Variants in HOMER1 observed in about 807,000 individuals in gnomAD.
HOMER1 encodes homer protein homolog 1.
A neutral mutation model predicts 48.9 loss-of-function variants in HOMER1; 3 were observed. The observed-to-expected ratio is 0.06, with a 90% CI of 0.03 to 0.16. The LOEUF (loss-of-function observed/expected upper bound fraction) is 0.16, where lower values mean the gene tolerates loss of function less well. HOMER1 is among the 10% of genes least tolerant of loss of function. The pLI is 1.00. For missense variants in HOMER1, 247 were observed against 411.4 expected (o/e 0.60, Z 3.46); for synonymous variants, 134 against 146.4 (o/e 0.92, Z 0.61).
intron 4 of HOMER1, among the ~76,000 whole-genome samples, chr5:79,443,398 A>C (rs891827036): frequency 2.6e-5 from 4 of 152,196 alleles, no homozygotes; most frequent in Non-Finnish European, 5.9e-5. Flanking sequence ...GTTCCATCTT[A>C]GACCTACTAA....
chr5:79,426,439 T>C (rs1394847171), intron 5 of HOMER1, among the ~76,000 whole-genome samples: 1 of 152,068 alleles, frequency 6.6e-6, no homozygotes, highest in Non-Finnish European at 1.5e-5. Context: ...ATGTGTTACA[T>C]ATACACAATG....
At chr5:79,509,091 T>A (rs1026057689) in intron 1 of HOMER1, among the ~76,000 whole-genome samples, 8 of 152,210 alleles carry the variant, frequency 5.3e-5, no homozygotes, top group Non-Finnish European at 4.4e-5. Context: ...ACCCTGCAGT[T>A]TGAGGCAGAA....
intron 1 of HOMER1, among the ~76,000 whole-genome samples, chr5:79,487,446 G>A (rs1752142631): frequency 6.6e-6 from 1 of 152,136 alleles, no homozygotes; most frequent in Admixed American, 6.5e-5. Context: ...CACCACCCAT[G>A]ACATAGCTTG....
intron 1 of HOMER1, among the ~76,000 whole-genome samples, chr5:79,465,581 CTTCTTTT>C (rs1413962977): frequency 1.1e-5 from 1 of 90,410 alleles, no homozygotes; most frequent in Non-Finnish European, 2.1e-5. Context: ...GTTTACATTT[CTTCTTTT>C]TTTTTTTTTT....
intron 5 of HOMER1, among the ~76,000 whole-genome samples, chr5:79,419,130 A>T (rs1467257392): frequency 6.6e-6 from 1 of 152,182 alleles, no homozygotes; most frequent in African/African-American, 2.4e-5. Context: ...TTTTTTAAGG[A>T]TATGGAAATA....
intron 1 of HOMER1, among the ~76,000 whole-genome samples, chr5:79,486,705 T>C (rs542510896): frequency 5.9e-5 from 9 of 152,142 alleles, no homozygotes; most frequent in Non-Finnish European, 1.0e-4. Flanking sequence ...TAATGCCACA[T>C]TGCCTCTCAA....
intron 1 of HOMER1, among the ~76,000 whole-genome samples, chr5:79,491,403 C>T (rs1379435703): frequency 7.5e-6 from 1 of 134,204 alleles, no homozygotes; most frequent in Non-Finnish European, 1.5e-5. Flanking sequence ...TGTGCCACTA[C>T]ACTCCAGCCT....
intron 8 of HOMER1, among the ~76,000 whole-genome samples, chr5:79,379,137 A>T (rs1748871828): frequency 8.9e-6 from 1 of 112,428 alleles, no homozygotes; most frequent in African/African-American, 3.4e-5. Context: ...ATTTATTTAT[A>T]TATAAAAATT....
intron 1 of HOMER1, among the ~76,000 whole-genome samples, chr5:79,471,755 G>A (rs372061883): frequency 2.0e-5 from 3 of 152,082 alleles, no homozygotes; most frequent in African/African-American, 7.2e-5. Context: ...CCTCCTCCCT[G>A]TCTTAACTTC....
At chr5:79,457,678 A>C (rs1751210056) in intron 1 of HOMER1, among the ~76,000 whole-genome samples, 1 of 152,234 alleles carries the variant, frequency 6.6e-6, no homozygotes. Context: ...CTTTAAGTAG[A>C]AACACACATA....
intron 1 of HOMER1, among the ~76,000 whole-genome samples, chr5:79,484,951 CCAA>C (rs1752055677): frequency 6.6e-6 from 1 of 151,472 alleles, no homozygotes; most frequent in Non-Finnish European, 1.5e-5. Context: ...TTTCCTGAGG[CCAA>C]CAACAGCTGT....
chr5:79,410,006 T>C (rs1042554062), intron 5 of HOMER1, among the ~76,000 whole-genome samples: 1 of 152,228 alleles, frequency 6.6e-6, no homozygotes, highest in African/African-American at 2.4e-5. Context: ...ATTCTACTTC[T>C]AGGTATATGC....
At chr5:79,440,560 A>T (rs1215471710) in intron 4 of HOMER1, among the ~76,000 whole-genome samples, 1 of 152,204 alleles carries the variant, frequency 6.6e-6, no homozygotes, top group Admixed American at 6.5e-5. Flanking sequence ...CAGTCAATGC[A>T]CGAATAAAAT....
At chr5:79,398,077 A>G (rs1406644679) in intron 6 of HOMER1, among the ~76,000 whole-genome samples, 1 of 152,150 alleles carries the variant, frequency 6.6e-6, no homozygotes, top group Non-Finnish European at 1.5e-5. Context: ...GGAAGAGAAA[A>G]TAGGCTTAAA....
At chr5:79,419,664 C>T (rs1049643344) in intron 5 of HOMER1, among the ~76,000 whole-genome samples, 2 of 151,866 alleles carry the variant, frequency 1.3e-5, no homozygotes, top group African/African-American at 2.4e-5. Context: ...ATTAAAATGA[C>T]TTGTGGCAAC....
In HOMER1 at chr5:79,455,303, T is replaced by C. The variant is rs371998878; in HGVS notation, c.162+1559A>G. 1.8e-3 allele frequency among the ~76,000 whole-genome samples: 269 copies of C among 152,216 alleles called. 1 individual carries two copies. Among genetic ancestry groups the C allele is most frequent in the African/African-American group, 4.9e-3 (203 of 41,530 alleles). On this transcript the variant is annotated intron_variant, in intron 2 of 8. Transcript: ENST00000334082. ...GATATGGTTTGGCTCTGTGTCCCCA[T>C]CCAAATCTCACCTTGAATTGTAATC... is the stretch of plus-strand genomic sequence containing the variant.
At chr5:79,403,189 G>C (rs763432595) in intron 5 of HOMER1, among the ~76,000 whole-genome samples, 1 of 152,096 alleles carries the variant, frequency 6.6e-6, no homozygotes, top group Non-Finnish European at 1.5e-5. Context: ...CATTATTGAA[G>C]TTTATTTCTA....
chr5:79,378,010 G>C (rs570444955), intron 8 of HOMER1, among the ~76,000 whole-genome samples: 2 of 152,098 alleles, frequency 1.3e-5, no homozygotes, highest in African/African-American at 2.4e-5. Flanking sequence ...CTGAGGTCAG[G>C]AGGTCGAGAC....
intron 6 of HOMER1, among the ~76,000 whole-genome samples, chr5:79,400,793 A>T (rs1458976822): frequency 1.4e-5 from 2 of 144,070 alleles, no homozygotes; most frequent in African/African-American, 5.1e-5. Context: ...CACCCAAGCT[A>T]GAGTGCAGTA....
Sources: allele counts gnomAD v4.1 joint callset (sites outside exome capture counted in the v4.1 genomes callset), GRCh38; gene constraint gnomAD v4.1.1; transcripts MANE v1.5; gene names NCBI Gene and HGNC (gene_info 2026-07-23, HGNC 2026-07-21).